SSTR3: variants seen among roughly 807,000 people sequenced by gnomAD.
SSTR3 encodes somatostatin receptor type 3.
For missense variants in SSTR3, 504 were observed against 604.7 expected (o/e 0.83, Z 1.75); for synonymous variants, 281 against 269.2 (o/e 1.04, Z -0.43).
In SSTR3 at chr22:37,207,474, G is replaced by A. The variant is rs770384910; in HGVS notation, c.330C>T (p.Pro110=). Residue 110 remains proline (P), a synonymous_variant, in exon 2 of 2, where the codon CCC becomes CCT. Coordinates refer to ENST00000610913, the MANE Select transcript of SSTR3 (RefSeq NM_001051.5). The part of the protein sequence containing the change: ...LAAQNALSYW[P]FGSLMCRLVM... ...CCAGGCGGCACATGAGGGAGCCGAA[G>A]GGCCAGTAGGACAGGGCGTTCTGGG... 65 of 1,613,566 alleles carry A rather than the reference G, an allele frequency of 4.0e-5. No homozygotes were observed. Among genetic ancestry groups the A allele is most frequent in the Non-Finnish European group, 5.3e-5 (62 of 1,180,018 alleles).
Position 37,207,031 on chromosome 22 carries a change from A to G in SSTR3, c.773T>C (p.Met258Thr). 1 of 1,612,952 alleles carries G rather than the reference A, an allele frequency of 6.2e-7. No individual in the cohort carries two copies. The highest frequency in any genetic ancestry group is 8.5e-7 in the Non-Finnish European group (1 of 1,179,958). Residue 258 changes from methionine (M) to threonine (T), a missense_variant, in exon 2 of 2, where the codon ATG becomes ACG. Met to Thr is a moderately conservative substitution (Grantham distance 81). Transcript: ENST00000610913. ...GAAGAGCGCCACCACGGCCACCACC[A>G]TGCGCGTGACCCTGCGTTCGGAGCG... Reference protein sequence around the residue: ...RRRSERRVTRMVVAVVALFVL... With the variant: ...RRRSERRVTRTVVAVVALFVL...
chr22:37,218,593 A>T, the SSTR3 span, among the ~76,000 whole-genome samples: 2 of 152,212 alleles, frequency 1.3e-5, no homozygotes, highest in East Asian at 3.9e-4. Flanking sequence ...CTCTCTCTGG[A>T]GCATGGTAGG....
intron 1 of SSTR3, chr22:37,211,101 T>A: frequency 4.9e-6 from 2 of 410,562 alleles, no homozygotes; most frequent in Non-Finnish European, 6.6e-6. Context: ...CAGTTCTATC[T>A]ACTTCTAAAC....
upstream of SSTR3, among the ~76,000 whole-genome samples, chr22:37,212,481 C>A (rs1429031643): frequency 1.9e-5 from 2 of 104,834 alleles, no homozygotes; most frequent in African/African-American, 7.6e-5. Flanking sequence ...AGGGAGTAAG[C>A]AGGGAGGGGC....
At chr22:37,208,341 G>C (rs1306956138) in intron 1 of SSTR3, among the ~76,000 whole-genome samples, 1 of 152,240 alleles carries the variant, frequency 6.6e-6, no homozygotes, top group Non-Finnish European at 1.5e-5. Context: ...GTTAATGTCA[G>C]ATCTGTTATC....
intron 1 of SSTR3, chr22:37,211,071 G>A (rs1926159020): frequency 1.3e-6 from 1 of 754,450 alleles, no homozygotes; most frequent in Non-Finnish European, 1.6e-6. Flanking sequence ...GCTGGAGAGT[G>A]GGAAGCCAGA....
Position 37,206,814 on chromosome 22 carries a change from C to T in SSTR3, c.990G>A (p.Arg330=). The change falls in exon 2 of 2, where the codon CGG becomes CGA. Residue 330 remains arginine (R), a synonymous_variant. Coordinates refer to ENST00000610913, the MANE Select transcript of SSTR3 (RefSeq NM_001051.5). ...FKQGFRRVLL[R]PSRRVRSQEP... is the part of the protein sequence containing the mutation. ...CCTGGCTGCGCACACGGCGGGAGGG[C>T]CGCAGCAGGACCCTGCGGAAGCCCT... The T allele has an allele frequency of 6.2e-7, 1 of 1,612,522 alleles. No homozygotes were observed. The highest frequency in any genetic ancestry group is 1.1e-5 in the South Asian group (1 of 91,084).
the SSTR3 span, among the ~76,000 whole-genome samples, chr22:37,218,197 T>G: frequency 6.6e-6 from 1 of 152,230 alleles, no homozygotes; most frequent in African/African-American, 2.4e-5. Context: ...ATTTATCATT[T>G]GGGGCAATGC....
chr22:37,207,335 C>A lies in SSTR3; in HGVS notation c.469G>T (p.Ala157Ser). The A allele has an allele frequency of 6.2e-7, 1 of 1,601,826 alleles. No individual in the cohort carries two copies. The stretch of plus-strand genomic sequence containing the variant: ...GCGCTGACCGTGCGGGCCACCGGAG[C>A]TGTGCGCCAGCGGGCCGAGCGGGTG... ...HPTRSARWRT[A>S]PVARTVSAAV... Residue 157 changes from alanine to serine, a missense_variant, in exon 2 of 2, where the codon GCT (alanine) becomes TCT (serine). Physicochemically the swap from Ala to Ser is moderately conservative, Grantham distance 99. Coordinates refer to ENST00000610913, the MANE Select transcript of SSTR3 (RefSeq NM_001051.5).
In SSTR3 at chr22:37,206,200, G is replaced by C. The variant is rs904694616; in HGVS notation, c.*347C>G. On this transcript the variant is annotated 3_prime_UTR_variant, in exon 2 of 2. Transcript: ENST00000610913. Reference sequence around the variant, plus strand: ...CTTGGTTTATCCCTCTGAGGGCCAAGATTCTAGTTGATGCCCCAAGACACT... The same window carrying C: ...CTTGGTTTATCCCTCTGAGGGCCAACATTCTAGTTGATGCCCCAAGACACT... 1 of 228,054 alleles carries C rather than the reference G, an allele frequency of 4.4e-6. No homozygotes were observed. The highest frequency in any genetic ancestry group is 9.5e-5 in the East Asian group (1 of 10,490). The allele number at this position is 228,054 out of a possible 1,614,324, so 14.1% of individuals were successfully genotyped here. A position where few individuals can be genotyped will look rare whatever the true frequency, so the allele number is the denominator to read the frequency against.
intron 1 of SSTR3, among the ~76,000 whole-genome samples, chr22:37,210,162 C>T (rs1926104331): frequency 6.6e-6 from 1 of 152,306 alleles, no homozygotes; most frequent in African/African-American, 2.4e-5. Flanking sequence ...CAAGCCAGGG[C>T]TAGATGAGGG....
chr22:37,206,440 G>C lies in SSTR3; in HGVS notation c.*107C>G. 6.8e-7 allele frequency: 1 copy of C among 1,479,242 alleles called. No individual in the cohort carries two copies. The highest frequency in any genetic ancestry group is 1.4e-5 in the South Asian group (1 of 72,752). 91.6% of individuals were successfully genotyped at this position (1,479,242 alleles called of 1,614,324 possible). A position where few individuals can be genotyped will look rare whatever the true frequency, so the allele number is the denominator to read the frequency against. On this transcript the variant is annotated 3_prime_UTR_variant, in exon 2 of 2. Coordinates refer to ENST00000610913, the MANE Select transcript of SSTR3 (RefSeq NM_001051.5). ...CTGGCAGCAATAGCATCAAAGTCCAGGCCCCTCAACATCCCATCATGGGCC... is the reference window on the plus strand; with the variant it reads ...CTGGCAGCAATAGCATCAAAGTCCACGCCCCTCAACATCCCATCATGGGCC...
intron 1 of SSTR3, among the ~76,000 whole-genome samples, chr22:37,209,179 G>A (rs889894037): frequency 5.3e-5 from 8 of 152,196 alleles, no homozygotes; most frequent in Non-Finnish European, 7.3e-5. Context: ...GCTGTGGTCC[G>A]CACTGCCCTA....
upstream of SSTR3, among the ~76,000 whole-genome samples, chr22:37,214,336 G>A (rs1029181322): frequency 1.3e-5 from 2 of 152,190 alleles, no homozygotes; most frequent in East Asian, 1.9e-4. Flanking sequence ...TGTGAAAGAC[G>A]CCCTCCCTAT....
Position 37,206,222 on chromosome 22 carries a change from C to T in SSTR3, c.*325G>A. 1 of 288,046 alleles carries T rather than the reference C, an allele frequency of 3.5e-6. No individual in the cohort carries two copies. The highest frequency in any genetic ancestry group is 6.4e-6 in the Non-Finnish European group (1 of 155,698). The allele number at this position is 288,046 out of a possible 1,614,324, so 17.8% of individuals were successfully genotyped here. A position where few individuals can be genotyped will look rare whatever the true frequency, so the allele number is the denominator to read the frequency against. The stretch of plus-strand genomic sequence containing the variant: ...CAAGATTCTAGTTGATGCCCCAAGA[C>T]ACTCCATCCCTGGGGGGAGGCCAGT... On this transcript the variant is annotated 3_prime_UTR_variant, in exon 2 of 2. Transcript: ENST00000610913.
rs570846487 is a variant in SSTR3 at position 37,206,905 on chromosome 22, G to T, written c.899C>A (p.Ala300Glu). ...AFFGLYFLVVALPYANSCANP... is the reference protein window; with the variant it reads ...AFFGLYFLVVELPYANSCANP... ...GGCACAGCTGTTGGCATAGGGCAGC[G>T]CCACCACCAGGAAGTAGAGCCCAAA... Residue 300 changes from alanine to glutamate, a missense_variant, in exon 2 of 2, where the codon GCG becomes GAG. Physicochemically the swap from Ala to Glu is moderately radical, Grantham distance 107. Coordinates refer to ENST00000610913, the MANE Select transcript of SSTR3 (RefSeq NM_001051.5). 1 of 1,613,492 alleles carries T rather than the reference G, an allele frequency of 6.2e-7. No individual in the cohort carries two copies. The highest frequency in any genetic ancestry group is 1.1e-5 in the South Asian group (1 of 91,082).
At position 37,206,429 on chromosome 22, in the gene SSTR3, A is replaced by G; in HGVS notation, c.*118T>C. On this transcript the variant is annotated 3_prime_UTR_variant, in exon 2 of 2. Coordinates refer to ENST00000610913, the MANE Select transcript of SSTR3 (RefSeq NM_001051.5). ...CACAGCAAGACCTGGCAGCAATAGCATCAAAGTCCAGGCCCCTCAACATCC... is the reference window on the plus strand; with the variant it reads ...CACAGCAAGACCTGGCAGCAATAGCGTCAAAGTCCAGGCCCCTCAACATCC... 1 of 1,452,136 alleles carries G rather than the reference A, an allele frequency of 6.9e-7. No homozygotes were observed. Among genetic ancestry groups the G allele is most frequent in the Non-Finnish European group, 9.1e-7 (1 of 1,100,442 alleles). The allele number at this position is 1,452,136 out of a possible 1,614,324, so 90.0% of individuals were successfully genotyped here.
upstream of SSTR3, among the ~76,000 whole-genome samples, chr22:37,214,326 T>G (rs186648296): frequency 6.6e-5 from 10 of 152,274 alleles, no homozygotes; most frequent in Admixed American, 2.6e-4. Flanking sequence ...TAAAACGCCT[T>G]GTGAAAGACG....
chr22:37,220,152 G>A, the SSTR3 span, among the ~76,000 whole-genome samples: 1 of 152,110 alleles, frequency 6.6e-6, no homozygotes, highest in Non-Finnish European at 1.5e-5. Flanking sequence ...CTTCAACAGA[G>A]GCACCAAGAG....
Sources: allele counts gnomAD v4.1 joint callset (sites outside exome capture counted in the v4.1 genomes callset), GRCh38; gene constraint gnomAD v4.1.1; transcripts MANE v1.5; gene names NCBI Gene and HGNC (gene_info 2026-07-23, HGNC 2026-07-21).